STT3A: variants seen among roughly 807,000 people sequenced by gnomAD.
STT3A encodes the protein dolichyl-diphosphooligosaccharide--protein glycosyltransferase subunit STT3A.
In STT3A, 34 loss-of-function variants were observed where a neutral mutation model predicts 89.2. The ratio of observed to expected loss-of-function variants is 0.38; its 90% CI spans 0.29 to 0.51. The LOEUF (loss-of-function observed/expected upper bound fraction) is 0.51. STT3A is among the 20% of genes least tolerant of loss of function. The pLI, the probability that STT3A is intolerant of heterozygous loss-of-function variation, is 0.89. For missense variants in STT3A, 555 were observed against 889.5 expected (o/e 0.62, Z 4.78); for synonymous variants, 282 against 310.3 (o/e 0.91, Z 0.96).
intron 17 of STT3A, among the ~76,000 whole-genome samples, chr11:125,620,513 T>C (rs1940317054): frequency 6.6e-6 from 1 of 152,152 alleles, no homozygotes; most frequent in Non-Finnish European, 1.5e-5. Context: ...CACATAGGAG[T>C]ATATCTCTCA....
chr11:125,620,882 T>G lies in STT3A; in HGVS notation c.*72T>G. On this transcript the variant is annotated 3_prime_UTR_variant, in exon 18 of 18. Coordinates refer to ENST00000392708, the MANE Select transcript of STT3A (RefSeq NM_152713.5). ...TAGGACGTTGAAGATTTTTTTTTTT[T>G]TTTTTTTTTAATATGCAGTTTGTAA... 1 of 1,446,002 alleles carries G rather than the reference T, an allele frequency of 6.9e-7. No homozygotes were observed. Among genetic ancestry groups the G allele is most frequent in the Non-Finnish European group, 9.4e-7 (1 of 1,065,280 alleles). The allele number at this position is 1,446,002 out of a possible 1,614,324, so 89.6% of individuals were successfully genotyped here.
intron 3 of STT3A, among the ~76,000 whole-genome samples, chr11:125,600,195 C>T (rs192590193): frequency 3.3e-5 from 5 of 152,066 alleles, no homozygotes; most frequent in African/African-American, 1.2e-4. Context: ...GGATTACAGG[C>T]ATGCGCCACC....
intron 1 of STT3A, among the ~76,000 whole-genome samples, chr11:125,594,150 G>T (rs77291826): frequency 0.077 from 11,754 of 152,150 alleles, 527 homozygotes; most frequent in African/African-American, 0.12. Context: ...TTATATACAT[G>T]TACCAAAATG....
At chr11:125,615,473 A>G (rs479967) in intron 15 of STT3A, among the ~76,000 whole-genome samples, 62,988 of 151,880 alleles carry the variant, frequency 0.41, 13,941 homozygotes, top group Admixed American at 0.54. Context: ...ACCAACCACA[A>G]ATGGAAAATA....
At chr11:125,605,147 A>AC (rs1939795943) in intron 6 of STT3A, among the ~76,000 whole-genome samples, 2 of 151,698 alleles carry the variant, frequency 1.3e-5, no homozygotes, top group South Asian at 4.2e-4. Context: ...GAAAAAAAAA[A>AC]AGCAGACTGG....
In STT3A at chr11:125,614,330, G is replaced by T; in HGVS notation, c.1678G>T (p.Ala560Ser). The change falls in exon 15 of 18, where the codon GCG becomes TCG. Residue 560 changes from alanine to serine, a missense_variant. Physicochemically the swap from Ala to Ser is moderately conservative, Grantham distance 99 (BLOSUM62 1). Coordinates refer to ENST00000392708, the MANE Select transcript of STT3A (RefSeq NM_152713.5). The surrounding 1 kb of genome is among the most constrained non-coding windows in gnomAD (Gnocchi z 4.9). ...TGTACATTTGTTTTTCCAGGCAATG[G>T]CGTCCACAGAGGAAAAAGCCTATGA... ...THISRVGQAM[A>S]STEEKAYEIM... 1 of 1,614,100 alleles carries T rather than the reference G, an allele frequency of 6.2e-7. No homozygotes were observed. The highest frequency in any genetic ancestry group is 8.5e-7 in the Non-Finnish European group (1 of 1,180,026).
chr11:125,597,913 C>A (rs1299756986), intron 3 of STT3A, among the ~76,000 whole-genome samples: 2 of 152,086 alleles, frequency 1.3e-5, no homozygotes, highest in Admixed American at 6.5e-5. Context: ...TTATTCCCTT[C>A]TTAGAAATGA....
chr11:125,614,013 ATGCCTTCTCTG>A lies in STT3A; in HGVS notation c.1555-72_1555-62del. ...AGGTGTCACTTCTGTCAGACCAAAG[ATGCCTTCTCTG>A]TTGCATTTGATTTTTAGAGACAGTG... On this transcript the variant is annotated intron_variant, in intron 13 of 17. Coordinates refer to ENST00000392708, the MANE Select transcript of STT3A (RefSeq NM_152713.5). This position sits in a 1 kb window ranked among gnomAD's most constrained non-coding sequence, Gnocchi z 4.9. 1 of 1,330,150 alleles carries A rather than the reference ATGCCTTCTCTG, an allele frequency of 7.5e-7. No individual in the cohort carries two copies. The highest frequency in any genetic ancestry group is 1.7e-5 in the Admixed American group (1 of 57,210). 82.4% of individuals were successfully genotyped at this position (1,330,150 alleles called of 1,614,324 possible).
In STT3A at chr11:125,613,624, TATC is replaced by T. The variant is rs1206261021; in HGVS notation, c.1554+450_1554+452del. The T allele has an allele frequency of 6.0e-6, 1 of 166,796 alleles. No homozygotes were observed. Among genetic ancestry groups the T allele is most frequent in the African/African-American group, 2.4e-5 (1 of 41,708 alleles). 10.3% of individuals were successfully genotyped at this position (166,796 alleles called of 1,614,324 possible). A position where few individuals can be genotyped will look rare whatever the true frequency, so the allele number is the denominator to read the frequency against. On this transcript the variant is annotated intron_variant, in intron 13 of 17. Coordinates refer to ENST00000392708, the MANE Select transcript of STT3A (RefSeq NM_152713.5). This position sits in a 1 kb window ranked among gnomAD's most constrained non-coding sequence, Gnocchi z 4.2. ...TTTCCTTTACAATAACTATTAGGAA[TATC>T]ATTTCTGAGACAATTTGTTAGGAAT...
rs548226872 is a variant in STT3A at position 125,601,436 on chromosome 11, T to C, written c.150-867T>C. 3.0e-4 allele frequency among the ~76,000 whole-genome samples: 46 copies of C among 152,098 alleles called. 3 individuals are homozygous for C. Among genetic ancestry groups the C allele is most frequent in the African/African-American group, 9.6e-4 (40 of 41,518 alleles). ...AGGAGTTTGAGACCAGCCTGGCCAA[T>C]ATGGTGAAACCCTGCCTCTACTAAA... On this transcript the variant is annotated intron_variant, in intron 3 of 17. Transcript: ENST00000392708.
chr11:125,620,619 C>T (rs2135951684), intron 17 of STT3A, among the ~76,000 whole-genome samples, 153 bp from the exon 18 acceptor site: 1 of 152,298 alleles, frequency 6.6e-6, no homozygotes, highest in East Asian at 1.9e-4. Context: ...CAGAGAGAAT[C>T]TAGTCTCTAG....
intron 2 of STT3A, among the ~76,000 whole-genome samples, chr11:125,596,266 A>C (rs888298512): frequency 6.6e-6 from 1 of 152,140 alleles, no homozygotes; most frequent in African/African-American, 2.4e-5. Context: ...GGAGTTTGAG[A>C]CCAGCCTGGC....
chr11:125,612,888 T>C (rs1056589039), intron 12 of STT3A, 101 bp from the exon 13 acceptor site: 13 of 1,521,326 alleles, frequency 8.5e-6, no homozygotes, highest in Middle Eastern at 1.9e-4. Context: ...CTCTGACTTA[T>C]TTTGATCAAT....
In STT3A at chr11:125,613,312, G is replaced by C. The variant is rs1379017374; in HGVS notation, c.1554+135G>C. The C allele has an allele frequency of 3.3e-6, 3 of 903,868 alleles. No individual in the cohort carries two copies. Among genetic ancestry groups the C allele is most frequent in the Non-Finnish European group, 5.0e-6 (3 of 603,624 alleles). The allele number at this position is 903,868 out of a possible 1,614,324, so 56.0% of individuals were successfully genotyped here. A position where few individuals can be genotyped will look rare whatever the true frequency, so the allele number is the denominator to read the frequency against. ...GAACTTTGCAACTCTAGTCTTGAAT[G>C]AGCCTTAAAGGTGAACCTCCATTCA... On this transcript the variant is annotated intron_variant, in intron 13 of 17. Coordinates refer to ENST00000392708, the MANE Select transcript of STT3A (RefSeq NM_152713.5). The surrounding 1 kb of genome is among the most constrained non-coding windows in gnomAD (Gnocchi z 4.2).
chr11:125,609,886 T>C (rs1003174222), intron 10 of STT3A: 1 of 327,198 alleles, frequency 3.1e-6, no homozygotes, highest in Non-Finnish European at 5.6e-6. Flanking sequence ...TGAGTACTTC[T>C]GTCGTACTCC....
At position 125,609,439 on chromosome 11, in the gene STT3A, A is replaced by G. The variant is rs763378756; in HGVS notation, c.967A>G (p.Ile323Val). ...TATTGCCTCTTTGCTGCTAGGAAAA[A>G]TATCTCCCTGGACGGGGCGTTTCTA... ...VGALLMLTGK[I>V]SPWTGRFYSL... The change falls in exon 10 of 18, where the codon ATA becomes GTA. Residue 323 changes from isoleucine (I) to valine (V), a missense_variant. Physicochemically the swap from Ile to Val is conservative, Grantham distance 29. Coordinates refer to ENST00000392708, the MANE Select transcript of STT3A (RefSeq NM_152713.5). The G allele has an allele frequency of 2.3e-5, 37 of 1,600,410 alleles. No homozygotes were observed. Among genetic ancestry groups the G allele is most frequent in the Non-Finnish European group, 3.1e-5 (37 of 1,175,426 alleles).
chr11:125,620,328 T>G (rs1343037572), intron 17 of STT3A, among the ~76,000 whole-genome samples: 1 of 152,226 alleles, frequency 6.6e-6, no homozygotes, highest in Non-Finnish European at 1.5e-5. Flanking sequence ...GCCATCATTT[T>G]GGCGGTTGTT....
intron 11 of STT3A, 94 bp downstream of exon 11, chr11:125,611,613 G>A: frequency 8.7e-7 from 1 of 1,143,334 alleles, no homozygotes; most frequent in Non-Finnish European, 1.3e-6. Flanking sequence ...TGATGATTGT[G>A]CACATGCTTC....
intron 10 of STT3A, 196 bp from the exon 11 acceptor site, chr11:125,611,231 AT>A (rs1014303773): frequency 3.1e-5 from 14 of 446,050 alleles, no homozygotes; most frequent in African/African-American, 2.2e-4. Flanking sequence ...GTTGTTTCTG[AT>A]TTTTTTGCTA....
Sources: gnomAD v4.1 joint callset for allele counts (sites outside exome capture counted in the v4.1 genomes callset) on GRCh38, gnomAD v4.1.1 for gene constraint, Gnocchi (gnomAD v3.1) non-coding constraint, MANE v1.5 for transcripts, NCBI Gene and HGNC (gene_info 2026-07-23, HGNC 2026-07-21) for gene names.